TAFA2: variants seen among roughly 807,000 people sequenced by gnomAD.
TAFA2 encodes chemokine-like protein TAFA-2.
A neutral mutation model predicts 18.8 loss-of-function variants in TAFA2; 7 were observed. That is an observed-to-expected ratio of 0.37 (90% confidence interval 0.21 to 0.70). TAFA2 has a LOEUF of 0.70. Among genes scored for constraint, TAFA2 ranks in the 30% least tolerant of loss-of-function variants. The pLI is 0.53. For synonymous variants in TAFA2, 60 were observed against 54.2 expected (o/e 1.11, Z -0.47); for missense variants, 122 against 158.1 (o/e 0.77, Z 1.23).
chr12:62,057,269 C>G (rs892905302), intron 1 of TAFA2, among the ~76,000 whole-genome samples: 1 of 152,156 alleles, frequency 6.6e-6, no homozygotes, highest in African/African-American at 2.4e-5. Flanking sequence ...AAATTATTCA[C>G]AGAATGTTTC....
intron 1 of TAFA2, among the ~76,000 whole-genome samples, chr12:62,188,639 T>C (rs1057165197): frequency 1.3e-5 from 2 of 152,130 alleles, no homozygotes; most frequent in African/African-American, 4.8e-5. Context: ...TGATAAATCA[T>C]CCTTAAATGT....
intron 2 of TAFA2, among the ~76,000 whole-genome samples, chr12:61,856,543 G>A (rs1023714356): frequency 6.6e-6 from 1 of 151,960 alleles, no homozygotes; most frequent in Non-Finnish European, 1.5e-5. Context: ...AACATAAATT[G>A]AGAGGTTTAC....
chr12:62,032,157 G>A (rs1174448816), intron 1 of TAFA2, among the ~76,000 whole-genome samples: 2 of 152,154 alleles, frequency 1.3e-5, no homozygotes, highest in African/African-American at 4.8e-5. Flanking sequence ...CACGGTGAAT[G>A]ATGAATTGCA....
intron 1 of TAFA2, among the ~76,000 whole-genome samples, chr12:61,953,585 A>G (rs1016416034): frequency 1.6e-4 from 2 of 12,324 alleles, no homozygotes; most frequent in African/African-American, 2.4e-4. Context: ...ATTTTAACCT[A>G]TACAAAAAAA....
At chr12:61,799,630 GGCT>G (rs1401970221) in intron 2 of TAFA2, among the ~76,000 whole-genome samples, 4 of 152,124 alleles carry the variant, frequency 2.6e-5, no homozygotes, top group Non-Finnish European at 1.5e-5. Context: ...AGACCATCCT[GGCT>G]AACACGGTGA....
chr12:62,183,636 C>T (rs1299062569), intron 1 of TAFA2, among the ~76,000 whole-genome samples: 2 of 152,160 alleles, frequency 1.3e-5, no homozygotes, highest in Non-Finnish European at 2.9e-5. Context: ...CCACCTACTT[C>T]GGCCTCCCAA....
intron 2 of TAFA2, among the ~76,000 whole-genome samples, chr12:61,836,739 A>ATGTATATATG (rs1408943862): frequency 4.6e-5 from 6 of 130,360 alleles, no homozygotes; most frequent in Non-Finnish European, 8.4e-5. Context: ...TTTGATATAT[A>ATGTATATATG]TATATATATA....
At chr12:62,049,847 T>C (rs9739867) in intron 1 of TAFA2, among the ~76,000 whole-genome samples, 64,385 of 152,080 alleles carry the variant, frequency 0.42, 14,416 homozygotes, top group Middle Eastern at 0.57. Context: ...AGAACAAAGA[T>C]CAACTCTCTG....
At chr12:61,787,491 A>G (rs1037812889) in intron 2 of TAFA2, among the ~76,000 whole-genome samples, 5 of 151,706 alleles carry the variant, frequency 3.3e-5, no homozygotes, top group African/African-American at 1.2e-4. Context: ...GTTAAAAATA[A>G]CTGCAGCTAC....
intron 2 of TAFA2, among the ~76,000 whole-genome samples, chr12:61,862,269 C>G (rs560943021): frequency 6.6e-6 from 1 of 152,318 alleles, no homozygotes; most frequent in African/African-American, 2.4e-5. Flanking sequence ...CTGGCTGTCA[C>G]AATACTCTGA....
chr12:61,937,827 C>A (rs1478166076), intron 1 of TAFA2, among the ~76,000 whole-genome samples: 2 of 152,022 alleles, frequency 1.3e-5, no homozygotes, highest in Non-Finnish European at 2.9e-5. Context: ...AAACAAAAAG[C>A]TTTTGTACAG....
At chr12:61,949,344 G>C (rs1592507685) in intron 1 of TAFA2, among the ~76,000 whole-genome samples, 1 of 152,044 alleles carries the variant, frequency 6.6e-6, no homozygotes, top group East Asian at 1.9e-4. Context: ...TATACCACTG[G>C]CTCTCCTGAT....
intron 1 of TAFA2, among the ~76,000 whole-genome samples, chr12:62,179,814 C>A (rs541467153): frequency 3.2e-4 from 49 of 152,274 alleles, no homozygotes; most frequent in Middle Eastern, 6.8e-3. Flanking sequence ...ATCTGGCTCC[C>A]TACCTGATAA....
chr12:61,850,760 A>G (rs1451731859), intron 2 of TAFA2, among the ~76,000 whole-genome samples: 2 of 152,146 alleles, frequency 1.3e-5, no homozygotes, highest in Non-Finnish European at 2.9e-5. Flanking sequence ...ATTTTAAAGT[A>G]TGCAATACCT....
intron 1 of TAFA2, among the ~76,000 whole-genome samples, chr12:62,224,485 G>T (rs1159757982): frequency 6.6e-6 from 1 of 151,980 alleles, no homozygotes; most frequent in African/African-American, 2.4e-5. Flanking sequence ...GCTCTCTGAG[G>T]TCTCTTAATA....
At chr12:61,855,404 G>A (rs1873842312) in intron 2 of TAFA2, among the ~76,000 whole-genome samples, 1 of 152,102 alleles carries the variant, frequency 6.6e-6, no homozygotes, top group South Asian at 2.1e-4. Flanking sequence ...TAGCCACCCT[G>A]TTTCATACAT....
chr12:62,043,880 G>A (rs937022425), intron 1 of TAFA2, among the ~76,000 whole-genome samples: 2 of 152,152 alleles, frequency 1.3e-5, no homozygotes, highest in East Asian at 3.9e-4. Flanking sequence ...ATTGAAGGCT[G>A]TATTAACAAT....
At chr12:61,960,198 TA>T (rs1277282276) in intron 1 of TAFA2, among the ~76,000 whole-genome samples, 1 of 152,104 alleles carries the variant, frequency 6.6e-6, no homozygotes, top group Non-Finnish European at 1.5e-5. Context: ...TAAATCTTAA[TA>T]ACTAAAATCT....
At chr12:61,721,597 A>G (rs2120598417) in intron 4 of TAFA2, among the ~76,000 whole-genome samples, 1 of 152,348 alleles carries the variant, frequency 6.6e-6, no homozygotes, top group East Asian at 1.9e-4. Flanking sequence ...ATTAACAGTC[A>G]GAATGAGATT....
Sources: gnomAD v4.1 joint callset for allele counts (sites outside exome capture counted in the v4.1 genomes callset) on GRCh38, gnomAD v4.1.1 for gene constraint, MANE v1.5 for transcripts, NCBI Gene and HGNC (gene_info 2026-07-23, HGNC 2026-07-21) for gene names.